Variants in SNTG1 observed in about 807,000 individuals in gnomAD.
SNTG1 encodes gamma-1-syntrophin.
Under a neutral mutation model 74.7 loss-of-function variants are expected in SNTG1, and 39 were observed. That is an observed-to-expected ratio of 0.52 (90% CI 0.40 to 0.68). The LOEUF (loss-of-function observed/expected upper bound fraction) is 0.68, where lower values mean the gene tolerates loss of function less well. Ranked by LOEUF, SNTG1 falls within the 30% of genes least tolerant of loss-of-function variation. SNTG1 has a pLI of 0.00. For missense variants in SNTG1, 685 were observed against 609.5 expected, an observed-to-expected ratio of 1.12 and a Z score of -1.30; for synonymous variants, 254 against 217.1, an observed-to-expected ratio of 1.17 and a Z score of -1.49.
At chr8:50,237,183 T>C (rs549935932) in intron 2 of SNTG1, among the ~76,000 whole-genome samples, 3 of 152,190 alleles carry the variant, frequency 2.0e-5, no homozygotes, top group Non-Finnish European at 4.4e-5. Context: ...CCAGAAACTT[T>C]GTCTGATAGT....
rs1406057500 is a variant in SNTG1, at chr8:50,402,312, A to G, written c.130A>G (p.Ile44Val). The G allele has an allele frequency of 3.7e-6, 6 of 1,611,360 alleles. No homozygotes were observed. The highest frequency in any genetic ancestry group is 5.1e-6 in the Non-Finnish European group (6 of 1,179,432). ...DILMIQEQDV[I>V]CVSGEPFYSG... ...TTTGATGATCCAGGAACAGGATGTG[A>G]TATGTGTGTCTGGTGAGCCTTTCTA... The change falls in exon 4 of 19, where the codon ATA becomes GTA. Residue 44 changes from isoleucine (I) to valine (V), a missense_variant. By Grantham distance (29) the Ile-to-Val change is conservative. Transcript: ENST00000642720.
intron 2 of SNTG1, among the ~76,000 whole-genome samples, chr8:50,262,451 C>T (rs2087241947): frequency 6.6e-6 from 1 of 152,150 alleles, no homozygotes; most frequent in African/African-American, 2.4e-5. Context: ...CGCTCTGTCA[C>T]CCAGGCTGGA....
chr8:50,671,676 C>G (rs1341496777), intron 15 of SNTG1, among the ~76,000 whole-genome samples: 1 of 151,972 alleles, frequency 6.6e-6, no homozygotes, highest in Non-Finnish European at 1.5e-5. Flanking sequence ...CCATTTGACC[C>G]AGCAATCCCA....
chr8:49,931,098 C>T (rs554222299), intron 1 of SNTG1, among the ~76,000 whole-genome samples: 3 of 152,122 alleles, frequency 2.0e-5, no homozygotes, highest in African/African-American at 7.2e-5. Flanking sequence ...GGTGTTCAAC[C>T]TTACTGATTC....
At chr8:50,219,816 C>A (rs1470520867) in intron 2 of SNTG1, among the ~76,000 whole-genome samples, 1 of 152,168 alleles carries the variant, frequency 6.6e-6, no homozygotes, top group East Asian at 1.9e-4. Context: ...CAACCAATAA[C>A]AAAGTAGCAA....
intron 1 of SNTG1, among the ~76,000 whole-genome samples, chr8:50,101,358 T>C (rs945890339): frequency 6.6e-6 from 1 of 152,130 alleles, no homozygotes; most frequent in African/African-American, 2.4e-5. Context: ...ATCTCCAAAC[T>C]ACTTTCCACA....
At position 50,341,225 on chromosome 8, in the gene SNTG1, C is replaced by G. The variant is rs1192376539; in HGVS notation, c.-27-52987C>G. ...TCCTATAGAAATATTTAACCCAGTA[C>G]TCCTTTTGGAACATTGATACATAGT... On this transcript the variant is annotated intron_variant, in intron 2 of 18. Transcript: ENST00000642720. Among the ~76,000 whole-genome samples, 4 of 151,960 alleles carry G rather than the reference C, an allele frequency of 2.6e-5. No individual in the cohort carries two copies. In the East Asian group the frequency reaches 7.7e-4, roughly 29 times the overall value.
chr8:50,125,589 C>A (rs79971863), intron 1 of SNTG1, among the ~76,000 whole-genome samples: 1,504 of 141,318 alleles, frequency 0.011, 205 homozygotes, highest in African/African-American at 0.037. Context: ...ACTAAGGCAA[C>A]CATTGTAATA....
chr8:49,940,405 A>G (rs1808579330), intron 1 of SNTG1, among the ~76,000 whole-genome samples: 1 of 152,164 alleles, frequency 6.6e-6, no homozygotes, highest in South Asian at 2.1e-4. Flanking sequence ...CTCAGTGAAA[A>G]GGGGAATGGC....
chr8:50,670,534 A>T (rs1307107696), intron 15 of SNTG1, among the ~76,000 whole-genome samples: 1 of 150,236 alleles, frequency 6.7e-6, no homozygotes, highest in East Asian at 1.9e-4. Flanking sequence ...TTCTCAAGGA[A>T]ATGAAAGAGG....
chr8:50,680,437 T>C, intron 15 of SNTG1, among the ~76,000 whole-genome samples: 1 of 152,184 alleles, frequency 6.6e-6, no homozygotes. Flanking sequence ...CGATACCAAT[T>C]ATGTGAATGG....
At chr8:50,497,298 T>C (rs2093913178) in intron 8 of SNTG1, among the ~76,000 whole-genome samples, 1 of 152,044 alleles carries the variant, frequency 6.6e-6, no homozygotes, top group Non-Finnish European at 1.5e-5. Context: ...CCCATATCTA[T>C]ACCCATATTT....
intron 2 of SNTG1, among the ~76,000 whole-genome samples, chr8:50,242,601 T>C (rs2086215215): frequency 6.6e-6 from 1 of 151,486 alleles, no homozygotes; most frequent in African/African-American, 2.4e-5. Flanking sequence ...GCTTGTATAT[T>C]GATGTGAAGC....
At chr8:50,186,222 TGC>T (rs765778812) in intron 2 of SNTG1, among the ~76,000 whole-genome samples, 16 of 152,178 alleles carry the variant, frequency 1.1e-4, no homozygotes, top group Admixed American at 6.5e-4. Flanking sequence ...GGTGTATATG[TGC>T]CACATTTTCT....
intron 1 of SNTG1, among the ~76,000 whole-genome samples, chr8:50,021,943 A>AAAAAAT (rs1308968444): frequency 2.0e-5 from 3 of 146,672 alleles, no homozygotes; most frequent in Non-Finnish European, 4.5e-5. Context: ...CCTCTCAAAA[A>AAAAAAT]AAAAATAAAA....
intron 18 of SNTG1, among the ~76,000 whole-genome samples, chr8:50,791,168 G>A (rs765994425): frequency 2.6e-5 from 4 of 151,860 alleles, no homozygotes; most frequent in African/African-American, 4.8e-5. Context: ...ATTATGGGGT[G>A]AATGGAGGAT....
chr8:50,055,534 T>A (rs770855631), intron 1 of SNTG1, among the ~76,000 whole-genome samples: 1 of 152,152 alleles, frequency 6.6e-6, no homozygotes, highest in African/African-American at 2.4e-5. Context: ...AAAACAGATG[T>A]CTTCTTATTC....
intron 18 of SNTG1, among the ~76,000 whole-genome samples, chr8:50,772,931 C>G (rs767462681): frequency 1.3e-5 from 2 of 152,104 alleles, no homozygotes; most frequent in Non-Finnish European, 2.9e-5. Flanking sequence ...TTTGGACATG[C>G]CCACTCCACT....
intron 4 of SNTG1, among the ~76,000 whole-genome samples, chr8:50,414,972 G>T (rs1261892473): frequency 6.6e-6 from 1 of 152,154 alleles, no homozygotes; most frequent in East Asian, 1.9e-4. Flanking sequence ...CACTAGAGGT[G>T]AACAATAAAG....
Sources: allele counts gnomAD v4.1 joint callset (sites outside exome capture counted in the v4.1 genomes callset), GRCh38; gene constraint gnomAD v4.1.1; transcripts MANE v1.5; gene names NCBI Gene and HGNC (gene_info 2026-07-23, HGNC 2026-07-21).